The following GRIK4 variants were observed in gnomAD, a reference collection of about 807,000 sequenced individuals.
GRIK4 encodes glutamate receptor ionotropic, kainate 4.
GRIK4 carries 40 observed loss-of-function variants against 104.9 expected under a neutral mutation model. That is an observed-to-expected ratio of 0.38 (90% CI 0.30 to 0.50). The LOEUF is 0.50. GRIK4 is among the 20% of genes least tolerant of loss of function. The probability of loss-of-function intolerance (pLI) is 0.93; values close to 1 mark genes in which losing one functional copy is unlikely to be tolerated. For missense variants in GRIK4, 1,047 were observed against 1,308.1 expected, an observed-to-expected ratio of 0.80 and a Z score of 3.08; for synonymous variants, 485 against 524.9, an observed-to-expected ratio of 0.92 and a Z score of 1.04.
intron 11 of GRIK4, among the ~76,000 whole-genome samples, chr11:120,881,062 C>G (rs143320839): frequency 1.6e-4 from 25 of 152,270 alleles, no homozygotes; most frequent in African/African-American, 6.0e-4. Context: ...GACGTGGCTG[C>G]CACATCTCTC....
chr11:120,717,526 G>A (rs1255024783), intron 3 of GRIK4, among the ~76,000 whole-genome samples: 1 of 151,794 alleles, frequency 6.6e-6, no homozygotes, highest in African/African-American at 2.4e-5. Flanking sequence ...GAAAGACACC[G>A]CAGGGCCAGG....
chr11:120,830,720 A>T (rs546807144), intron 6 of GRIK4, among the ~76,000 whole-genome samples: 1 of 152,202 alleles, frequency 6.6e-6, no homozygotes, highest in African/African-American at 2.4e-5. Flanking sequence ...GAGATAAGCC[A>T]TGTAAAATGT....
At position 120,557,014 on chromosome 11, in the gene GRIK4, C is replaced by T. The variant is rs151123918; in HGVS notation, c.-159+45127C>T. Among the ~76,000 whole-genome samples, 94 of 152,300 alleles carry T rather than the reference C, an allele frequency of 6.2e-4. 1 individual carries two copies. The highest frequency in any genetic ancestry group is 1.9e-3 in the African/African-American group (77 of 41,564). On this transcript the variant is annotated intron_variant, in intron 1 of 20. Coordinates refer to ENST00000527524, the MANE Select transcript of GRIK4 (RefSeq NM_014619.5). ...TCCCTCCTGAGCTGACCCGTCCAGT[C>T]TCCTCCTGCCCACAGAAGGCACCGA... is the stretch of plus-strand genomic sequence containing the variant.
chr11:120,937,998 A>C (rs1943634946), intron 13 of GRIK4, among the ~76,000 whole-genome samples: 1 of 152,136 alleles, frequency 6.6e-6, no homozygotes, highest in South Asian at 2.1e-4. Flanking sequence ...AAAGGAATGG[A>C]TGCCACGTTT....
intron 1 of GRIK4, among the ~76,000 whole-genome samples, chr11:120,643,959 ATGCAG>A (rs1949504531): frequency 6.6e-6 from 1 of 151,786 alleles, no homozygotes; most frequent in Non-Finnish European, 1.5e-5. Flanking sequence ...CAGTCTAACA[ATGCAG>A]ATAATAGTAC....
chr11:120,813,732 G>A (rs1952875989), intron 4 of GRIK4, among the ~76,000 whole-genome samples: 1 of 152,166 alleles, frequency 6.6e-6, no homozygotes, highest in Non-Finnish European at 1.5e-5. Flanking sequence ...TGGCAGGTGT[G>A]GCTTTACAGC....
chr11:120,795,860 A>T (rs1280432038), intron 3 of GRIK4, among the ~76,000 whole-genome samples: 2 of 152,158 alleles, frequency 1.3e-5, no homozygotes, highest in African/African-American at 4.8e-5. Context: ...TCCCTTGTGT[A>T]AAATGCGTAG....
intron 1 of GRIK4, among the ~76,000 whole-genome samples, chr11:120,633,501 G>A (rs1408942298): frequency 6.6e-6 from 1 of 152,220 alleles, no homozygotes; most frequent in Non-Finnish European, 1.5e-5. Flanking sequence ...TTGTCAGGAC[G>A]TTGCTCTGTG....
At position 120,813,241 on chromosome 11, in the gene GRIK4, A is replaced by G. The variant is rs558460434; in HGVS notation, c.248-2137A>G. ...TCAGGAGACTTGAATCCAGATGCCAACTCTGGCCTTGATTAGGTGTGTGAC... is the reference window on the plus strand; with the variant it reads ...TCAGGAGACTTGAATCCAGATGCCAGCTCTGGCCTTGATTAGGTGTGTGAC... On this transcript the variant is annotated intron_variant, in intron 4 of 20. Coordinates refer to ENST00000527524, the MANE Select transcript of GRIK4 (RefSeq NM_014619.5). Among the ~76,000 whole-genome samples, 10 of 152,120 alleles carry G rather than the reference A, an allele frequency of 6.6e-5. No individual in the cohort carries two copies. In the East Asian group the frequency reaches 1.4e-3, roughly 21 times the overall value.
At chr11:120,823,003 C>T (rs1032890444) in intron 6 of GRIK4, among the ~76,000 whole-genome samples, 2 of 152,166 alleles carry the variant, frequency 1.3e-5, no homozygotes, top group African/African-American at 2.4e-5. Flanking sequence ...CTTGGACCAT[C>T]GAATGGTGTA....
intron 6 of GRIK4, among the ~76,000 whole-genome samples, chr11:120,825,437 G>A (rs980581329): frequency 3.3e-5 from 5 of 152,312 alleles, no homozygotes; most frequent in South Asian, 2.1e-4. Context: ...TGTCCACACC[G>A]AGGAAATGCT....
At chr11:120,742,188 A>G (rs1413594885) in intron 3 of GRIK4, among the ~76,000 whole-genome samples, 1 of 152,150 alleles carries the variant, frequency 6.6e-6, no homozygotes, top group African/African-American at 2.4e-5. Flanking sequence ...TCTACTAAAA[A>G]TACAAAAGTT....
rs563891790 is a variant in GRIK4 at position 120,789,391 on chromosome 11, A to T, written c.83-13302A>T. Among the ~76,000 whole-genome samples, 4 of 152,040 alleles carry T rather than the reference A, an allele frequency of 2.6e-5. No homozygotes were observed. In the East Asian group the frequency reaches 7.8e-4, roughly 29 times the overall value. ...GCCAAGAGCCCTCTTACCTCATCCC[A>T]ACCCCCACTGATTTTGATTCTGCCC... On this transcript the variant is annotated intron_variant, in intron 3 of 20. Coordinates refer to ENST00000527524, the MANE Select transcript of GRIK4 (RefSeq NM_014619.5).
intron 3 of GRIK4, among the ~76,000 whole-genome samples, chr11:120,798,768 C>T (rs1952570228): frequency 6.6e-6 from 1 of 152,230 alleles, no homozygotes; most frequent in Non-Finnish European, 1.5e-5. Flanking sequence ...AGGCGTGAGG[C>T]ACTGGTGTCT....
chr11:120,526,858 G>GA (rs1200380400), intron 1 of GRIK4, among the ~76,000 whole-genome samples: 2 of 151,214 alleles, frequency 1.3e-5, no homozygotes, highest in South Asian at 2.1e-4. Context: ...TCAAAAAAAA[G>GA]AAAAAAAAAG....
intron 3 of GRIK4, among the ~76,000 whole-genome samples, chr11:120,770,295 A>T (rs10502242): frequency 2.1e-3 from 313 of 152,342 alleles, no homozygotes; most frequent in African/African-American, 7.1e-3. Flanking sequence ...CTTAACTCCC[A>T]GCATCTGTTT....
chr11:120,661,569 A>G (rs1014082571), intron 3 of GRIK4, among the ~76,000 whole-genome samples: 3 of 152,216 alleles, frequency 2.0e-5, no homozygotes, highest in Non-Finnish European at 4.4e-5. Context: ...AAAGCTCCCA[A>G]ATTCCTCCAA....
At chr11:120,769,538 C>T (rs1951900996) in intron 3 of GRIK4, among the ~76,000 whole-genome samples, 1 of 151,604 alleles carries the variant, frequency 6.6e-6, no homozygotes, top group Non-Finnish European at 1.5e-5. Context: ...TGACTTTTTC[C>T]CAAAACATTA....
intron 1 of GRIK4, among the ~76,000 whole-genome samples, chr11:120,544,169 T>C (rs1199955228): frequency 6.6e-6 from 1 of 152,064 alleles, no homozygotes; most frequent in African/African-American, 2.4e-5. Context: ...ATAAAGAGGG[T>C]GAGAGAAACT....
Sources: gnomAD v4.1 joint callset for allele counts (sites outside exome capture counted in the v4.1 genomes callset) on GRCh38, gnomAD v4.1.1 for gene constraint, MANE v1.5 for transcripts, NCBI Gene and HGNC (gene_info 2026-07-23, HGNC 2026-07-21) for gene names.